The following CAPZB variants were observed in gnomAD, a reference collection of about 807,000 sequenced individuals.
CAPZB encodes capping actin protein of muscle Z-line subunit beta.
CAPZB carries 2 observed loss-of-function variants against 38.1 expected under a neutral mutation model. The ratio of observed to expected loss-of-function variants is 0.05; its 90% CI spans 0.02 to 0.17. The LOEUF is 0.17. Ranked by LOEUF, CAPZB falls within the 10% of genes least tolerant of loss-of-function variation. The probability of loss-of-function intolerance (pLI) is 1.00; values close to 1 mark genes in which losing one functional copy is unlikely to be tolerated. For missense variants in CAPZB, 161 were observed against 334.2 expected (o/e 0.48, Z 4.04); for synonymous variants, 107 against 127.4 (o/e 0.84, Z 1.08).
At position 19,460,459 on chromosome 1, in the gene CAPZB, G is replaced by T. The variant is rs146749676; in HGVS notation, c.3+24977C>A. ...GCCCGGCTAATTTTTTGTATTTTTA[G>T]TAGAGACAGGTTTCACCGTGTTAGC... On this transcript the variant is annotated intron_variant, in intron 1 of 8. Transcript: ENST00000264202. Among the ~76,000 whole-genome samples, 1,496 of 151,548 alleles carry T rather than the reference G, an allele frequency of 9.9e-3. 60 individuals are homozygous for T. The East Asian group carries it at 0.12, about 13-fold the overall frequency.
At position 19,380,935 on chromosome 1, in the gene CAPZB, C is replaced by T. The variant is rs372674123; in HGVS notation, c.216-2282G>A. On this transcript the variant is annotated intron_variant, in intron 3 of 8. Transcript: ENST00000264202. ...CTGCAATCCCAGCACCTTGGGAGGC[C>T]GAGGCGGGAGGATCACAAGGTCAGG... is the stretch of plus-strand genomic sequence containing the variant. 5.3e-5 allele frequency among the ~76,000 whole-genome samples: 8 copies of T among 152,156 alleles called. No individual in the cohort carries two copies. The East Asian group carries it at 9.6e-4, about 18-fold the overall frequency.
intron 2 of CAPZB, among the ~76,000 whole-genome samples, chr1:19,400,328 C>G (rs1383723030): frequency 6.6e-6 from 1 of 152,172 alleles, no homozygotes; most frequent in African/African-American, 2.4e-5. Flanking sequence ...ACTACAAAAC[C>G]CTGCGGGACA....
chr1:19,367,177 G>C (rs1037099746), intron 4 of CAPZB, among the ~76,000 whole-genome samples: 4 of 152,228 alleles, frequency 2.6e-5, no homozygotes, highest in Non-Finnish European at 4.4e-5. Context: ...GGCACACGAG[G>C]GGCTGGAGAG....
chr1:19,391,806 A>T (rs1274863191), intron 2 of CAPZB, among the ~76,000 whole-genome samples: 1 of 152,230 alleles, frequency 6.6e-6, no homozygotes. Context: ...GGCCCGTGTC[A>T]GGTGCAAGGG....
In CAPZB at chr1:19,381,261, G is replaced by GC. The variant is rs111978612; in HGVS notation, c.216-2609dup. Among the ~76,000 whole-genome samples the GC allele has an allele frequency of 0.011, 1,441 of 127,442 alleles. 55 individuals carry two copies. The East Asian group carries it at 0.15, about 14-fold the overall frequency. The allele number at this position is 127,442 out of a possible 152,430, so 83.6% of individuals were successfully genotyped here. On this transcript the variant is annotated intron_variant, in intron 3 of 8. Coordinates refer to ENST00000264202, the MANE Select transcript of CAPZB (RefSeq NM_004930.5). ...AAAAAGCATGAATTCTTGCACCCCC[G>GC]CCCCCCCACCACAACAGAACCAACC...
chr1:19,389,015 G>C (rs920325952), intron 2 of CAPZB, among the ~76,000 whole-genome samples: 2 of 152,244 alleles, frequency 1.3e-5, no homozygotes, highest in Non-Finnish European at 2.9e-5. Flanking sequence ...TCTTAAGCTG[G>C]GCCATAGTTT....
At chr1:19,340,862 A>G (rs1414555555) in intron 8 of CAPZB, among the ~76,000 whole-genome samples, 1 of 152,174 alleles carries the variant, frequency 6.6e-6, no homozygotes, top group African/African-American at 2.4e-5. Context: ...GAAGCAGTGG[A>G]AAGAGTGGGT....
intron 1 of CAPZB, among the ~76,000 whole-genome samples, chr1:19,461,587 C>T (rs879403354): frequency 1.3e-5 from 2 of 152,256 alleles, no homozygotes; most frequent in Non-Finnish European, 2.9e-5. Context: ...AGGGCCATTG[C>T]CCCCTTGACT....
intron 1 of CAPZB, among the ~76,000 whole-genome samples, chr1:19,464,928 A>G (rs1346252713): frequency 2.0e-5 from 3 of 152,170 alleles, no homozygotes; most frequent in African/African-American, 7.2e-5. Flanking sequence ...GCATGAAGGG[A>G]CTTTTTAGGG....
chr1:19,465,292 A>AG (rs1160956641), intron 1 of CAPZB, among the ~76,000 whole-genome samples: 5 of 152,082 alleles, frequency 3.3e-5, no homozygotes, highest in African/African-American at 1.2e-4. Context: ...ATGCCCCTAT[A>AG]AGAGGCCCAG....
intron 1 of CAPZB, among the ~76,000 whole-genome samples, chr1:19,462,266 C>T (rs2094554274): frequency 1.3e-5 from 2 of 150,256 alleles, no homozygotes; most frequent in African/African-American, 4.9e-5. Context: ...TCCTGGCTAA[C>T]ACGGTGAAAC....
intron 4 of CAPZB, among the ~76,000 whole-genome samples, chr1:19,377,142 T>C (rs778340724): frequency 2.6e-5 from 4 of 152,212 alleles, no homozygotes; most frequent in Non-Finnish European, 2.9e-5. Flanking sequence ...TCTTACCAAA[T>C]GGGCAGGTAA....
At chr1:19,340,900 GAGAGTGCAC>G (rs1558164721) in intron 8 of CAPZB, among the ~76,000 whole-genome samples, 1 of 152,138 alleles carries the variant, frequency 6.6e-6, no homozygotes, top group Non-Finnish European at 1.5e-5. Flanking sequence ...GAGTGCTACG[GAGAGTGCAC>G]TCAGCCGGAC....
At chr1:19,342,442 A>G (rs1206208684) in intron 8 of CAPZB, among the ~76,000 whole-genome samples, 1 of 152,236 alleles carries the variant, frequency 6.6e-6, no homozygotes, top group African/African-American at 2.4e-5. Context: ...GCCGGTGCAC[A>G]CAAGTGGCTG....
Position 19,339,328 on chromosome 1 carries a change from G to C in CAPZB, c.*202C>G. On this transcript the variant is annotated 3_prime_UTR_variant, in exon 9 of 9. Transcript: ENST00000264202. ...AAATGTGGAGAGAACTGAGAGCGAG[G>C]TGTGGCAGAAGCAGGCTCGGAGCCG... 1.6e-6 allele frequency: 1 copy of C among 623,826 alleles called. No individual in the cohort carries two copies. The highest frequency in any genetic ancestry group is 2.9e-6 in the Non-Finnish European group (1 of 349,500). The allele number at this position is 623,826 out of a possible 1,614,324, so 38.6% of individuals were successfully genotyped here.
Position 19,378,659 on chromosome 1 carries a change from G to A in CAPZB, c.216-6C>T, listed in dbSNP as rs577772323. 47 of 1,487,754 alleles carry A rather than the reference G, an allele frequency of 3.2e-5. No homozygotes were observed. In the South Asian group the frequency reaches 5.1e-4, roughly 16 times the overall value. 92.2% of individuals were successfully genotyped at this position (1,487,754 alleles called of 1,614,324 possible). On this transcript the variant is annotated splice_region_variant and splice_polypyrimidine_tract_variant and intron_variant, in intron 3 of 8. Coordinates refer to ENST00000264202, the MANE Select transcript of CAPZB (RefSeq NM_004930.5). ...ACTTGTTACTCCATGGTGACCTGGA[G>A]GGAAGGAAGGAAAAGTATATACCAT...
At chr1:19,465,766 C>A (rs2094566769) in intron 1 of CAPZB, among the ~76,000 whole-genome samples, 1 of 152,154 alleles carries the variant, frequency 6.6e-6, no homozygotes, top group South Asian at 2.1e-4. Flanking sequence ...CTGTCCTGGG[C>A]CTCTGGGCTC....
chr1:19,460,508 C>T (rs764679072), intron 1 of CAPZB, among the ~76,000 whole-genome samples: 1 of 151,112 alleles, frequency 6.6e-6, no homozygotes, highest in Admixed American at 6.6e-5. Flanking sequence ...ATCTCTTGAC[C>T]TCGTGATCCA....
chr1:19,410,869 C>T (rs767189091), intron 2 of CAPZB, among the ~76,000 whole-genome samples: 32 of 152,278 alleles, frequency 2.1e-4, no homozygotes, highest in Admixed American at 1.8e-3. Flanking sequence ...ACCTCTTCCC[C>T]GCAACCCCAC....
Sources: gnomAD v4.1 joint callset for allele counts (sites outside exome capture counted in the v4.1 genomes callset) on GRCh38, gnomAD v4.1.1 for gene constraint, MANE v1.5 for transcripts, NCBI Gene and HGNC (gene_info 2026-07-23, HGNC 2026-07-21) for gene names.